Variants in CFAP20DC observed in about 807,000 individuals in gnomAD.
The protein encoded by CFAP20DC is protein CFAP20DC.
Under a neutral mutation model 101.7 loss-of-function variants are expected in CFAP20DC, and 84 were observed. The ratio of observed to expected loss-of-function variants is 0.83; its 90% confidence interval spans 0.69 to 0.99. CFAP20DC has a LOEUF of 0.99. Among genes scored for constraint, CFAP20DC ranks in the 50% least tolerant of loss-of-function variants. The probability of loss-of-function intolerance (pLI) is 0.00; values close to 1 mark genes in which losing one functional copy is unlikely to be tolerated. For synonymous variants in CFAP20DC, 359 were observed against 351.2 expected, an observed-to-expected ratio of 1.02 and a Z score of -0.25; for missense variants, 1,007 against 970.3, an observed-to-expected ratio of 1.04 and a Z score of -0.50.
Position 58,942,894 on chromosome 3 carries a change from G to A in CFAP20DC, c.279-5132C>T, listed in dbSNP as rs541477582. 5.9e-5 allele frequency among the ~76,000 whole-genome samples: 9 copies of A among 152,282 alleles called. No individual in the cohort carries two copies. The South Asian group carries it at 1.0e-3, about 18-fold the overall frequency. On this transcript the variant is annotated intron_variant, in intron 4 of 16. Coordinates refer to ENST00000482387, the MANE Select transcript of CFAP20DC (RefSeq NM_001394063.1). ...GGCACTAGAGTTTGGTGGGGGAAGC[G>A]GCGTCTGCCATTACTAAGGCTCAAG...
At chr3:58,951,312 C>G (rs1466720334) in intron 4 of CFAP20DC, among the ~76,000 whole-genome samples, 1 of 152,164 alleles carries the variant, frequency 6.6e-6, no homozygotes, top group Admixed American at 6.5e-5. Context: ...GTTGGTGGGA[C>G]TGTAAACTAG....
chr3:58,807,288 T>C (rs1445939162), intron 14 of CFAP20DC, among the ~76,000 whole-genome samples: 3 of 152,148 alleles, frequency 2.0e-5, no homozygotes, highest in East Asian at 3.9e-4. Flanking sequence ...ACCCCTGACC[T>C]CCAAGCAGCC....
intron 13 of CFAP20DC, among the ~76,000 whole-genome samples, chr3:58,843,010 T>C (rs964519160): frequency 6.6e-5 from 10 of 152,194 alleles, no homozygotes; most frequent in African/African-American, 2.4e-4. Context: ...AAAACCCATC[T>C]GTACATCACC....
At chr3:58,927,180 T>C (rs1018306439) in intron 5 of CFAP20DC, among the ~76,000 whole-genome samples, 1 of 152,160 alleles carries the variant, frequency 6.6e-6, no homozygotes, top group Non-Finnish European at 1.5e-5. Context: ...ACATGAAATA[T>C]AAAAATTTTT....
intron 4 of CFAP20DC, among the ~76,000 whole-genome samples, chr3:58,985,116 C>T (rs2092707930): frequency 6.6e-6 from 1 of 152,104 alleles, no homozygotes; most frequent in Non-Finnish European, 1.5e-5. Flanking sequence ...TTTTTGTAGA[C>T]AGGGTTTTGC....
chr3:58,867,810 G>A lies in CFAP20DC; in HGVS notation c.1135+7C>T. 6.2e-7 allele frequency: 1 copy of A among 1,613,352 alleles called. No individual in the cohort carries two copies. The highest frequency in any genetic ancestry group is 2.2e-5 in the East Asian group (1 of 44,834). ...AGATATAAGATAGGATTGAAATAGT[G>A]CCATACCGCTGGGTGTCTCTGTCCT... On this transcript the variant is annotated splice_region_variant and intron_variant, in intron 10 of 16. Coordinates refer to ENST00000482387, the MANE Select transcript of CFAP20DC (RefSeq NM_001394063.1).
chr3:58,792,975 G>A (rs1200425762), intron 15 of CFAP20DC, among the ~76,000 whole-genome samples: 1 of 152,068 alleles, frequency 6.6e-6, no homozygotes, highest in African/African-American at 2.4e-5. Context: ...TCCTGTAAGG[G>A]CACTGCTGTG....
At chr3:58,939,661 T>C (rs2088229731) in intron 4 of CFAP20DC, among the ~76,000 whole-genome samples, 1 of 151,852 alleles carries the variant, frequency 6.6e-6, no homozygotes, top group Admixed American at 6.6e-5. Context: ...GGTTTCATGA[T>C]GTTAGTCAGG....
intron 4 of CFAP20DC, among the ~76,000 whole-genome samples, chr3:58,988,340 G>A (rs762715356): frequency 5.3e-5 from 8 of 152,070 alleles, no homozygotes; most frequent in Admixed American, 1.3e-4. Flanking sequence ...AGTCAAGACG[G>A]GTTATACCAA....
chr3:58,813,733 A>G (rs550469188), intron 14 of CFAP20DC, among the ~76,000 whole-genome samples: 6 of 152,068 alleles, frequency 3.9e-5, no homozygotes, highest in African/African-American at 1.5e-4. Flanking sequence ...TCTGATAATC[A>G]CAGTCACTTA....
chr3:59,013,568 C>T (rs1465085649), intron 4 of CFAP20DC, among the ~76,000 whole-genome samples: 1 of 152,152 alleles, frequency 6.6e-6, no homozygotes, highest in Non-Finnish European at 1.5e-5. Flanking sequence ...TTACCTATTA[C>T]ATATATCAAT....
chr3:58,762,495 T>C (rs2069737786), intron 15 of CFAP20DC, among the ~76,000 whole-genome samples: 1 of 152,190 alleles, frequency 6.6e-6, no homozygotes, highest in Non-Finnish European at 1.5e-5. Context: ...TTATCCAATT[T>C]GCCAGTCTGT....
At chr3:59,009,510 G>C (rs1265722694) in intron 4 of CFAP20DC, among the ~76,000 whole-genome samples, 1 of 152,020 alleles carries the variant, frequency 6.6e-6, no homozygotes. Flanking sequence ...ACACATTTAG[G>C]GAAATACAAA....
At chr3:58,815,836 C>T (rs1354720779) in intron 14 of CFAP20DC, among the ~76,000 whole-genome samples, 2 of 150,378 alleles carry the variant, frequency 1.3e-5, no homozygotes, top group Non-Finnish European at 3.0e-5. Flanking sequence ...GTTAGAATGG[C>T]AATCATTAAA....
chr3:59,049,734 G>A lies in CFAP20DC; in HGVS notation c.-103C>T, dbSNP rs1189062057. 5.0e-6 allele frequency: 7 copies of A among 1,401,792 alleles called. No homozygotes were observed. The East Asian group carries it at 7.5e-5, about 15-fold the overall frequency. The allele number at this position is 1,401,792 out of a possible 1,614,324, so 86.8% of individuals were successfully genotyped here. On this transcript the variant is annotated 5_prime_UTR_variant, in exon 1 of 17. Coordinates refer to ENST00000482387, the MANE Select transcript of CFAP20DC (RefSeq NM_001394063.1). The stretch of plus-strand genomic sequence containing the variant: ...TCGGCTGGCGGGAACCCAGGAGCCC[G>A]ACGGGTGGGAAAGGGCTTCGTGCTT...
In CFAP20DC at chr3:58,861,651, T is replaced by G. The variant is rs2079257796; in HGVS notation, c.1593+1907A>C. 5 of 985,468 alleles carry G rather than the reference T, an allele frequency of 5.1e-6. No individual in the cohort carries two copies. The highest frequency in any genetic ancestry group is 4.8e-6 in the Non-Finnish European group (4 of 829,936). The allele number at this position is 985,468 out of a possible 1,614,324, so 61.0% of individuals were successfully genotyped here. ...TTTTGTATCTTAGCTTGTATCTCGTTAGTCTCTGTACCAGCAAACCCCAAA... is the reference window on the plus strand; with the variant it reads ...TTTTGTATCTTAGCTTGTATCTCGTGAGTCTCTGTACCAGCAAACCCCAAA... On this transcript the variant is annotated intron_variant, in intron 12 of 16. Coordinates refer to ENST00000482387, the MANE Select transcript of CFAP20DC (RefSeq NM_001394063.1). This position sits in a 1 kb window ranked among gnomAD's most constrained non-coding sequence, Gnocchi z 4.0.
chr3:58,979,309 A>T (rs928375969), intron 4 of CFAP20DC, among the ~76,000 whole-genome samples: 1 of 152,198 alleles, frequency 6.6e-6, no homozygotes, highest in African/African-American at 2.4e-5. Flanking sequence ...CCTTTAATCT[A>T]GGAATAAAAG....
rs371954682 is a variant in CFAP20DC at position 58,851,468 on chromosome 3, T to C, written c.1594-2059A>G. Among the ~76,000 whole-genome samples, 4 of 152,318 alleles carry C rather than the reference T, an allele frequency of 2.6e-5. No individual in the cohort carries two copies. In the South Asian group the frequency reaches 8.3e-4, roughly 32 times the overall value. The stretch of plus-strand genomic sequence containing the variant: ...GTCTCTTACACAGAGTATGAGATCC[T>C]TAACCCATGCCCTGTTATAATTTTT... On this transcript the variant is annotated intron_variant, in intron 12 of 16. Coordinates refer to ENST00000482387, the MANE Select transcript of CFAP20DC (RefSeq NM_001394063.1).
intron 13 of CFAP20DC, among the ~76,000 whole-genome samples, chr3:58,845,682 A>T (rs1037803660): frequency 2.0e-5 from 3 of 151,954 alleles, no homozygotes; most frequent in Admixed American, 2.0e-4. Context: ...CATCATCCTG[A>T]TACCAAAGCC....
Sources: gnomAD v4.1 joint callset for allele counts (sites outside exome capture counted in the v4.1 genomes callset) on GRCh38, gnomAD v4.1.1 for gene constraint, Gnocchi (gnomAD v3.1) non-coding constraint, MANE v1.5 for transcripts, NCBI Gene and HGNC (gene_info 2026-07-23, HGNC 2026-07-21) for gene names.